Variants in SEC24D observed in about 807,000 individuals in gnomAD.
SEC24D encodes SEC24 homolog D, COPII component.
A neutral mutation model predicts 116.9 loss-of-function variants in SEC24D; 69 were observed. The observed-to-expected ratio is 0.59, with a 90% CI of 0.49 to 0.72. SEC24D has a LOEUF of 0.72. SEC24D is among the 30% of genes least tolerant of loss of function. The pLI is 0.00. For synonymous variants in SEC24D, 405 were observed against 442.8 expected (o/e 0.91, Z 1.07); for missense variants, 1,131 against 1,264.1 (o/e 0.89, Z 1.60).
chr4:118,783,494 A>G (rs751860501), intron 8 of SEC24D, among the ~76,000 whole-genome samples: 55 of 152,370 alleles, frequency 3.6e-4, no homozygotes, highest in Middle Eastern at 3.4e-3. Context: ...TCAAGTGCCA[A>G]GAACAGTATC....
intron 8 of SEC24D, among the ~76,000 whole-genome samples, chr4:118,783,346 T>C (rs6828577): frequency 0.63 from 96,030 of 152,002 alleles, 31,901 homozygotes; most frequent in Non-Finnish European, 0.72. Flanking sequence ...AGGCAGACGT[T>C]ATCCCCCAAG....
chr4:118,738,649 A>G (rs536486907), intron 18 of SEC24D, among the ~76,000 whole-genome samples: 59 of 152,336 alleles, frequency 3.9e-4, no homozygotes, highest in African/African-American at 1.3e-3. Flanking sequence ...AGAAAAAAAG[A>G]CAGGCCAATT....
intron 8 of SEC24D, among the ~76,000 whole-genome samples, chr4:118,785,685 T>A (rs1017730348): frequency 4.6e-5 from 7 of 152,288 alleles, no homozygotes; most frequent in Non-Finnish European, 1.0e-4. Context: ...TGATCTAATA[T>A]CAAATGACAG....
chr4:118,819,587 C>A (rs1387543273), intron 3 of SEC24D, among the ~76,000 whole-genome samples: 2 of 142,500 alleles, frequency 1.4e-5, no homozygotes, highest in Admixed American at 1.4e-4. Flanking sequence ...AGTAATTACA[C>A]ACAGGCAGAA....
chr4:118,794,566 T>A (rs1729092942), intron 8 of SEC24D, among the ~76,000 whole-genome samples: 1 of 152,220 alleles, frequency 6.6e-6, no homozygotes, highest in Non-Finnish European at 1.5e-5. Context: ...CAGGTTTCCG[T>A]CAAGGTAGAA....
intron 6 of SEC24D, among the ~76,000 whole-genome samples, chr4:118,810,073 GCT>G (rs1729839363): frequency 2.1e-5 from 1 of 47,906 alleles, no homozygotes; most frequent in African/African-American, 9.9e-5. Flanking sequence ...GTCAGAGGTA[GCT>G]GTGTGTGTGT....
intron 3 of SEC24D, among the ~76,000 whole-genome samples, chr4:118,819,065 G>C (rs1414607604): frequency 1.3e-5 from 2 of 152,106 alleles, no homozygotes; most frequent in Admixed American, 6.5e-5. Context: ...TGACACTGGT[G>C]AAACACAAGC....
At chr4:118,773,109 T>C (rs970828546) in intron 8 of SEC24D, among the ~76,000 whole-genome samples, 1 of 152,172 alleles carries the variant, frequency 6.6e-6, no homozygotes, top group Non-Finnish European at 1.5e-5. Context: ...AAAAACTTAT[T>C]TTACATTTTC....
Position 118,740,916 on chromosome 4 carries a change from G to C in SEC24D, c.2092+25C>G, listed in dbSNP as rs751950489. ...AGAAACAATTATTCAAGAGAGACCCGAAGAATTGTATAAATGATAATTACC... is the reference window on the plus strand; with the variant it reads ...AGAAACAATTATTCAAGAGAGACCCCAAGAATTGTATAAATGATAATTACC... On this transcript the variant is annotated intron_variant, in intron 16 of 22. Coordinates refer to ENST00000280551, the MANE Select transcript of SEC24D (RefSeq NM_014822.4). The C allele has an allele frequency of 1.9e-6, 3 of 1,586,158 alleles. No individual in the cohort carries two copies. In the South Asian group the frequency reaches 3.4e-5, roughly 18 times the overall value.
chr4:118,728,230 AT>A (rs1725503534), intron 22 of SEC24D, among the ~76,000 whole-genome samples: 1 of 152,248 alleles, frequency 6.6e-6, no homozygotes, highest in African/African-American at 2.4e-5. Flanking sequence ...GTTCTAAATG[AT>A]ACTTTTATAA....
chr4:118,726,179 A>G (rs933037693), intron 22 of SEC24D, among the ~76,000 whole-genome samples: 1 of 152,210 alleles, frequency 6.6e-6, no homozygotes, highest in Admixed American at 6.5e-5. Context: ...GAATCGCTAA[A>G]GCATGGGAGT....
At chr4:118,757,178 G>A (rs150346435) in intron 11 of SEC24D, among the ~76,000 whole-genome samples, 4 of 152,166 alleles carry the variant, frequency 2.6e-5, no homozygotes, top group East Asian at 3.9e-4. Flanking sequence ...TTAGTTTTTC[G>A]CCTTTCCTTG....
intron 8 of SEC24D, among the ~76,000 whole-genome samples, chr4:118,787,659 A>G (rs1432059346): frequency 3.9e-5 from 6 of 152,108 alleles, no homozygotes; most frequent in Non-Finnish European, 8.8e-5. Context: ...AAAAAATACA[A>G]AAATTAGCCA....
intron 2 of SEC24D, chr4:118,825,374 G>A: frequency 2.9e-6 from 1 of 340,370 alleles, no homozygotes; most frequent in Non-Finnish European, 5.7e-6. Flanking sequence ...GGGACCACAT[G>A]CAGTTAACGG....
At chr4:118,801,166 G>GCAGGAGAATGGCGTGAAC (rs1664417338) in intron 7 of SEC24D, among the ~76,000 whole-genome samples, 1 of 151,960 alleles carries the variant, frequency 6.6e-6, no homozygotes, top group South Asian at 2.1e-4. Flanking sequence ...GGAGGCTGAG[G>GCAGGAGAATGGCGTGAAC]CAGGAGAATG....
In SEC24D at chr4:118,757,829, T is replaced by C. The variant is rs1180324176; in HGVS notation, c.1313A>G (p.Asn438Ser). Residue 438 changes from asparagine (N) to serine (S), a missense_variant, in exon 11 of 23, where the codon AAC (asparagine) becomes AGC (serine). Physicochemically the swap from Asn to Ser is conservative, Grantham distance 46 (BLOSUM62 1). Coordinates refer to ENST00000280551, the MANE Select transcript of SEC24D (RefSeq NM_014822.4). ...LDYCRKSKPP[N>S]PPAFIFMIDV... ...AATCATGAAGATAAAGGCTGGTGGG[T>C]TGGGAGGCTTACTCTTCTATAGGAA... 7.5e-6 allele frequency: 12 copies of C among 1,609,048 alleles called. No homozygotes were observed. Among genetic ancestry groups the C allele is most frequent in the South Asian group, 1.1e-5 (1 of 90,218 alleles).
At chr4:118,740,520 T>C (rs1726174746) in intron 17 of SEC24D, 143 bp downstream of exon 17, 2 of 837,610 alleles carry the variant, frequency 2.4e-6, no homozygotes, top group Non-Finnish European at 1.8e-6. Flanking sequence ...CTGAGTGTTC[T>C]AATCTACTGA....
rs780757503 is a variant in SEC24D at position 118,752,769 on chromosome 4, A to G, written c.1541T>C (p.Val514Ala). 1 of 1,612,320 alleles carries G rather than the reference A, an allele frequency of 6.2e-7. No individual in the cohort carries two copies. Among genetic ancestry groups the G allele is most frequent in the East Asian group, 2.2e-5 (1 of 44,708 alleles). The change falls in exon 12 of 23, where the codon GTT (valine) becomes GCT (alanine). Residue 514 changes from valine (V) to alanine (A), a missense_variant. By Grantham distance (64) the Val-to-Ala change is moderately conservative. Transcript: ENST00000280551. Reference protein sequence around the residue: ...AQPQMMVVTDVGEVFVPLLDG... With the variant: ...AQPQMMVVTDAGEVFVPLLDG... Reference sequence around the variant, plus strand: ...CAACAAAGGAACAAAGACTTCTCCAACATCAGTCACCACCATCATCTGAGG... The same window carrying G: ...CAACAAAGGAACAAAGACTTCTCCAGCATCAGTCACCACCATCATCTGAGG...
chr4:118,800,276 G>C (rs1267734366), intron 7 of SEC24D, among the ~76,000 whole-genome samples: 1 of 152,182 alleles, frequency 6.6e-6, no homozygotes, highest in Admixed American at 6.5e-5. Context: ...GAAAAGACTT[G>C]AGAAATACAG....
Sources: gnomAD v4.1 joint callset for allele counts (sites outside exome capture counted in the v4.1 genomes callset) on GRCh38, gnomAD v4.1.1 for gene constraint, MANE v1.5 for transcripts, NCBI Gene and HGNC (gene_info 2026-07-23, HGNC 2026-07-21) for gene names.